ZFYVE9: variants seen among roughly 807,000 people sequenced by gnomAD.
ZFYVE9 encodes zinc finger FYVE-type containing 9.
Under a neutral mutation model 126.7 loss-of-function variants are expected in ZFYVE9, and 43 were observed. That is an observed-to-expected ratio of 0.34 (90% CI 0.27 to 0.44). The LOEUF is 0.44. ZFYVE9 is among the 20% of genes least tolerant of loss of function. The pLI is 1.00. For synonymous variants in ZFYVE9, 521 were observed against 597.4 expected (o/e 0.87, Z 1.87); for missense variants, 1,476 against 1,697.0 (o/e 0.87, Z 2.29).
intron 4 of ZFYVE9, among the ~76,000 whole-genome samples, chr1:52,263,403 T>C (rs138892992): frequency 6.6e-6 from 1 of 152,316 alleles, no homozygotes; most frequent in East Asian, 1.9e-4. Context: ...CATCCTGCTA[T>C]AATTCCTTTC....
chr1:52,182,008 GC>G (rs1449853824), intron 1 of ZFYVE9, among the ~76,000 whole-genome samples: 3 of 151,402 alleles, frequency 2.0e-5, no homozygotes, highest in Admixed American at 2.0e-4. Flanking sequence ...GAGGGGGTCA[GC>G]CCACCGCCCG....
chr1:52,239,052 T>C lies in ZFYVE9; in HGVS notation c.1635T>C (p.Asn545=), dbSNP rs1259543355. 1 of 1,613,878 alleles carries C rather than the reference T, an allele frequency of 6.2e-7. No individual in the cohort carries two copies. Among genetic ancestry groups the C allele is most frequent in the Admixed American group, 1.7e-5 (1 of 59,988 alleles). Residue 545 remains asparagine (N), a synonymous_variant, in exon 4 of 19, where the codon AAT becomes AAC. Transcript: ENST00000287727. The part of the protein sequence containing the change: ...LNSTGDLMKK[N]YLHNFCSQVP... ...GCACTGGTGACCTAATGAAGAAAAATTATTTACATAATTTCTGTAGTCAAG... is the reference window on the plus strand; with the variant it reads ...GCACTGGTGACCTAATGAAGAAAAACTATTTACATAATTTCTGTAGTCAAG...
chr1:52,245,607 G>A (rs1339908054), intron 4 of ZFYVE9, among the ~76,000 whole-genome samples: 1 of 152,232 alleles, frequency 6.6e-6, no homozygotes, highest in African/African-American at 2.4e-5. Context: ...CACACAGCCA[G>A]TAAGTGAAGT....
At chr1:52,336,359 GTTTTTTTTGTTTTTTTT>G (rs1398994203) in intron 15 of ZFYVE9, among the ~76,000 whole-genome samples, 5 of 94,948 alleles carry the variant, frequency 5.3e-5, no homozygotes, top group Non-Finnish European at 8.5e-5. Context: ...AATCTAAGAG[GTTTTTTTTGTTTTTTTT>G]TTTTTTTTTT....
chr1:52,201,374 A>ATT lies in ZFYVE9; in HGVS notation c.-142-14975_-142-14974dup, dbSNP rs11344134. On this transcript the variant is annotated intron_variant, in intron 1 of 18. Coordinates refer to ENST00000287727, the MANE Select transcript of ZFYVE9 (RefSeq NM_004799.4). ...ACTTATTCCTGGAGGGTTTTTGGTA[A>ATT]TTTTTTTTTTTTTTTTTTTTTGAGA... 1.1e-3 allele frequency among the ~76,000 whole-genome samples: 98 copies of ATT among 91,242 alleles called. 2 individuals carry two copies. In the South Asian group the frequency reaches 0.014, roughly 13 times the overall value. The allele number at this position is 91,242 out of a possible 152,430, so 59.9% of individuals were successfully genotyped here.
At chr1:52,180,615 G>A in intron 1 of ZFYVE9, 1 of 531,086 alleles carries the variant, frequency 1.9e-6, no homozygotes, top group African/African-American at 1.9e-5. Flanking sequence ...AAAGGATAAA[G>A]TAAGAATGAA....
Position 52,238,325 on chromosome 1 carries a change from A to G in ZFYVE9, c.908A>G (p.Asp303Gly). Residue 303 changes from aspartate (D) to glycine (G), a missense_variant, in exon 4 of 19, where the codon GAT becomes GGT. By Grantham distance (94) the Asp-to-Gly change is moderately conservative (BLOSUM62 -1). Coordinates refer to ENST00000287727, the MANE Select transcript of ZFYVE9 (RefSeq NM_004799.4). ...LTGKISSPRT[D>G]LGSPNSFSHM... Reference sequence around the variant, plus strand: ...GGCAAAATCAGCTCTCCTAGGACAGATCTAGGGAGTCCAAATTCCTTTTCC... The same window carrying G: ...GGCAAAATCAGCTCTCCTAGGACAGGTCTAGGGAGTCCAAATTCCTTTTCC... 6.2e-7 allele frequency: 1 copy of G among 1,613,734 alleles called. No individual in the cohort carries two copies. The highest frequency in any genetic ancestry group is 8.5e-7 in the Non-Finnish European group (1 of 1,179,956).
intron 11 of ZFYVE9, among the ~76,000 whole-genome samples, chr1:52,293,979 G>A (rs547695283): frequency 2.0e-5 from 3 of 152,158 alleles, no homozygotes; most frequent in Non-Finnish European, 4.4e-5. Flanking sequence ...TTCTGTATAT[G>A]ATGAGCATAT....
intron 8 of ZFYVE9, 107 bp downstream of exon 8, chr1:52,274,691 A>G: frequency 8.3e-7 from 1 of 1,211,280 alleles, no homozygotes; most frequent in Non-Finnish European, 1.1e-6. Flanking sequence ...TCTCTTATCC[A>G]ACAAAACAAA....
At chr1:52,209,914 G>A (rs1436856462) in intron 1 of ZFYVE9, among the ~76,000 whole-genome samples, 3 of 152,164 alleles carry the variant, frequency 2.0e-5, no homozygotes, top group African/African-American at 2.4e-5. Context: ...TCAGATTTGG[G>A]TTTTGTATTT....
At chr1:52,229,573 C>T (rs1266280355) in intron 2 of ZFYVE9, among the ~76,000 whole-genome samples, 1 of 152,148 alleles carries the variant, frequency 6.6e-6, no homozygotes, top group East Asian at 1.9e-4. Context: ...AACTTATTGA[C>T]CAGCTGCTTA....
intron 3 of ZFYVE9, 86 bp from the exon 4 acceptor site, chr1:52,237,402 A>G (rs1645282799): frequency 8.2e-7 from 1 of 1,213,042 alleles, no homozygotes; most frequent in Non-Finnish European, 1.1e-6. Context: ...TTAATTTTCA[A>G]ACGATAGTTA....
chr1:52,175,523 C>T (rs1444844404), intron 1 of ZFYVE9, among the ~76,000 whole-genome samples: 1 of 149,754 alleles, frequency 6.7e-6, no homozygotes, highest in African/African-American at 2.5e-5. Context: ...GTGGCGTTCT[C>T]TGTATTTCCT....
At chr1:52,211,428 T>G (rs1645027687) in intron 1 of ZFYVE9, among the ~76,000 whole-genome samples, 1 of 152,208 alleles carries the variant, frequency 6.6e-6, no homozygotes, top group Non-Finnish European at 1.5e-5. Flanking sequence ...CTGAGAACCC[T>G]GCTCAGACTA....
chr1:52,343,800 G>A (rs1345619363), intron 17 of ZFYVE9, among the ~76,000 whole-genome samples: 1 of 151,674 alleles, frequency 6.6e-6, no homozygotes, highest in Non-Finnish European at 1.5e-5. Flanking sequence ...GGCCAGGTGC[G>A]GTGGTTCATG....
Position 52,293,476 on chromosome 1 carries a change from C to T in ZFYVE9, c.3049C>T (p.His1017Tyr). 1 of 1,612,276 alleles carries T rather than the reference C, an allele frequency of 6.2e-7. No individual in the cohort carries two copies. Among genetic ancestry groups the T allele is most frequent in the Middle Eastern group, 1.7e-4 (1 of 6,056 alleles). Residue 1017 changes from histidine (H) to tyrosine (Y), a missense_variant, in exon 11 of 19, where the codon CAT (histidine) becomes TAT (tyrosine). By Grantham distance (83) the His-to-Tyr change is moderately conservative (BLOSUM62 2). Coordinates refer to ENST00000287727, the MANE Select transcript of ZFYVE9 (RefSeq NM_004799.4). ...AGGGAATGTGGTGAGCAACTTGGGA[C>T]ATTCCTTCTTCAGTCAAAGTTTCCT... ...LAGNVVSNLG[H>Y]SFFSQSFLGS...
At position 52,172,763 on chromosome 1, in the gene ZFYVE9, A is replaced by G. The variant is rs1468010438; in HGVS notation, c.-143+30360A>G. On this transcript the variant is annotated intron_variant, in intron 1 of 18. Transcript: ENST00000287727. ...TAAGTATTTTATTCTCTTTGAAGCAATTGTGAATGGGAGTTCACTCATGAT... is the reference window on the plus strand; with the variant it reads ...TAAGTATTTTATTCTCTTTGAAGCAGTTGTGAATGGGAGTTCACTCATGAT... Among the ~76,000 whole-genome samples the G allele has an allele frequency of 1.3e-4, 20 of 151,250 alleles. No individual in the cohort carries two copies. The East Asian group carries it at 3.9e-3, about 29-fold the overall frequency.
chr1:52,287,696 C>CA (rs562577492), intron 10 of ZFYVE9, among the ~76,000 whole-genome samples: 4,358 of 112,852 alleles, frequency 0.039, 199 homozygotes, highest in Admixed American at 0.15. Context: ...CTATCTGTAC[C>CA]AAAAAAAAAA....
chr1:52,184,883 G>C (rs930883038), intron 1 of ZFYVE9, among the ~76,000 whole-genome samples: 1 of 152,044 alleles, frequency 6.6e-6, no homozygotes, highest in Non-Finnish European at 1.5e-5. Context: ...GACTGGGCAC[G>C]GTGGCTCATG....
Sources: allele counts gnomAD v4.1 joint callset (sites outside exome capture counted in the v4.1 genomes callset), GRCh38; gene constraint gnomAD v4.1.1; transcripts MANE v1.5; gene names NCBI Gene and HGNC (gene_info 2026-07-23, HGNC 2026-07-21).